The following KCNH7 variants were observed in gnomAD, a reference collection of about 807,000 sequenced individuals.
KCNH7 encodes the protein voltage-gated inwardly rectifying potassium channel KCNH7.
Under a neutral mutation model 120.8 loss-of-function variants are expected in KCNH7, and 49 were observed. The ratio of observed to expected loss-of-function variants is 0.41; its 90% CI spans 0.32 to 0.51. The LOEUF is 0.51. Ranked by LOEUF, KCNH7 falls within the 20% of genes least tolerant of loss-of-function variation. KCNH7 has a pLI of 0.38. For missense variants in KCNH7, 1,097 were observed against 1,446.6 expected, an observed-to-expected ratio of 0.76 and a Z score of 3.92; for synonymous variants, 547 against 516.1, an observed-to-expected ratio of 1.06 and a Z score of -0.81.
chr2:162,776,827 T>C (rs1683258522), intron 2 of KCNH7, among the ~76,000 whole-genome samples: 1 of 152,190 alleles, frequency 6.6e-6, no homozygotes, highest in Non-Finnish European at 1.5e-5. Flanking sequence ...CCATGGAGCT[T>C]TAACTGGAGT....
rs894023630 is a variant in KCNH7, at chr2:162,722,813, C to CTTTTTTTTTTTTTTTTTTTTTTTTT, written c.307+113723_307+113724insAAAAAAAAAAAAAAAAAAAAAAAAA. On this transcript the variant is annotated intron_variant, in intron 2 of 15. Coordinates refer to ENST00000332142, the MANE Select transcript of KCNH7 (RefSeq NM_033272.4). The stretch of plus-strand genomic sequence containing the variant: ...AATCCTTTTCATTCATTCTTTTTTT[C>CTTTTTTTTTTTTTTTTTTTTTTTTT]TTTTTTTTTTTTTTTTTTGCTTCTC... 1.2e-3 allele frequency among the ~76,000 whole-genome samples: 101 copies of CTTTTTTTTTTTTTTTTTTTTTTTTT among 85,104 alleles called. 3 individuals are homozygous for CTTTTTTTTTTTTTTTTTTTTTTTTT. The highest frequency in any genetic ancestry group is 3.5e-3 in the East Asian group (8 of 2,268). 55.8% of individuals were successfully genotyped at this position (85,104 alleles called of 152,430 possible). A position where few individuals can be genotyped will look rare whatever the true frequency, so the allele number is the denominator to read the frequency against.
intron 2 of KCNH7, among the ~76,000 whole-genome samples, chr2:162,752,921 AAG>A (rs1688621331): frequency 2.9e-5 from 2 of 67,830 alleles, no homozygotes; most frequent in South Asian, 4.8e-4. Context: ...AAGAAAAGAA[AAG>A]AAAAGAAAAG....
At chr2:162,391,446 G>A (rs1211675203) in intron 12 of KCNH7, among the ~76,000 whole-genome samples, 2 of 152,042 alleles carry the variant, frequency 1.3e-5, no homozygotes, top group African/African-American at 4.8e-5. Flanking sequence ...CTTTGGAATA[G>A]GCTCTTGGGC....
At chr2:162,737,880 C>T (rs530176381) in intron 2 of KCNH7, among the ~76,000 whole-genome samples, 1 of 151,998 alleles carries the variant, frequency 6.6e-6, no homozygotes, top group Admixed American at 6.5e-5. Context: ...ACCTGGCTAA[C>T]ATGGTGAAAT....
chr2:162,517,853 G>C lies in KCNH7; in HGVS notation c.769C>G (p.Gln257Glu). The change falls in exon 4 of 16, where the codon CAG becomes GAG. Residue 257 changes from glutamine to glutamate, a missense_variant. This residue lies in a region of KCNH7 where 362 missense variants were observed against 372.2 expected (regional missense o/e 0.97). Coordinates refer to ENST00000332142, the MANE Select transcript of KCNH7 (RefSeq NM_033272.4). ...TCCCTTGATCTGGAATGGGACAGCT[G>C]GGAACTTGACTGCAGCATGTCAGGG... ...LYPDMLQSSS[Q>E]LSHSRSRESL... 3 of 1,612,328 alleles carry C rather than the reference G, an allele frequency of 1.9e-6. No homozygotes were observed. Among genetic ancestry groups the C allele is most frequent in the Non-Finnish European group, 2.5e-6 (3 of 1,178,896 alleles).
intron 2 of KCNH7, among the ~76,000 whole-genome samples, chr2:162,689,048 C>T (rs77801565): frequency 0.13 from 19,108 of 151,946 alleles, 1,402 homozygotes; most frequent in East Asian, 0.34. Flanking sequence ...CACTTTCTGG[C>T]ACATCATACA....
At chr2:162,413,083 C>A (rs554204391) in intron 9 of KCNH7, among the ~76,000 whole-genome samples, 4 of 152,050 alleles carry the variant, frequency 2.6e-5, no homozygotes, top group Non-Finnish European at 5.9e-5. Context: ...TGTCCACCTA[C>A]CTTACCAGAT....
chr2:162,510,714 T>TGTTTCTACAATAAAAAAAAA (rs1691042481), intron 5 of KCNH7, among the ~76,000 whole-genome samples: 1 of 151,724 alleles, frequency 6.6e-6, no homozygotes, highest in Admixed American at 6.6e-5. Context: ...AACCTGCATT[T>TGTTTCTACAATAAAAAAAAA]TTTAGTTTTT....
At chr2:162,835,440 C>A (rs1232427738) in intron 2 of KCNH7, among the ~76,000 whole-genome samples, 3 of 151,772 alleles carry the variant, frequency 2.0e-5, no homozygotes, top group East Asian at 1.9e-4. Context: ...ACATATTTAT[C>A]AAAAGCTTAA....
intron 2 of KCNH7, among the ~76,000 whole-genome samples, chr2:162,769,568 G>A (rs1230056442): frequency 6.6e-6 from 1 of 151,956 alleles, no homozygotes; most frequent in Non-Finnish European, 1.5e-5. Flanking sequence ...CAAGGAAAAG[G>A]TAGAGAAAAA....
intron 2 of KCNH7, among the ~76,000 whole-genome samples, chr2:162,611,926 G>A (rs1682980457): frequency 6.6e-6 from 1 of 152,132 alleles, no homozygotes; most frequent in African/African-American, 2.4e-5. Context: ...TTTATGGATT[G>A]GACTTAGGAA....
At chr2:162,657,318 C>T (rs1684799055) in intron 2 of KCNH7, among the ~76,000 whole-genome samples, 1 of 152,158 alleles carries the variant, frequency 6.6e-6, no homozygotes, top group Non-Finnish European at 1.5e-5. Context: ...TATTCATCTT[C>T]CCCCTTTCCC....
chr2:162,824,312 C>T (rs1049214729), intron 2 of KCNH7, among the ~76,000 whole-genome samples: 1 of 152,104 alleles, frequency 6.6e-6, no homozygotes, highest in African/African-American at 2.4e-5. Context: ...GAAACATGAC[C>T]TGCAAAGAAA....
chr2:162,806,216 T>C (rs1208583963), intron 2 of KCNH7, among the ~76,000 whole-genome samples: 2 of 152,148 alleles, frequency 1.3e-5, no homozygotes, highest in African/African-American at 4.8e-5. Flanking sequence ...AAACCACTTG[T>C]ACCTCAAAAG....
intron 3 of KCNH7, among the ~76,000 whole-genome samples, chr2:162,535,886 A>G (rs565574548): frequency 1.1e-4 from 16 of 151,986 alleles, no homozygotes; most frequent in African/African-American, 3.9e-4. Flanking sequence ...TTAGTGTGTA[A>G]TAAAGGTGGC....
intron 2 of KCNH7, among the ~76,000 whole-genome samples, chr2:162,826,970 T>C (rs1381341654): frequency 1.3e-5 from 2 of 151,340 alleles, no homozygotes; most frequent in Admixed American, 6.6e-5. Context: ...TGGAGGAGAG[T>C]TGATGAAGGG....
chr2:162,760,383 G>T (rs1688928510), intron 2 of KCNH7, among the ~76,000 whole-genome samples: 1 of 151,706 alleles, frequency 6.6e-6, no homozygotes, highest in South Asian at 2.1e-4. Context: ...ACTCCTCCTT[G>T]CATTTGAAAA....
At chr2:162,740,706 AAC>A (rs1478212287) in intron 2 of KCNH7, among the ~76,000 whole-genome samples, 1 of 152,166 alleles carries the variant, frequency 6.6e-6, no homozygotes, top group African/African-American at 2.4e-5. Context: ...CCAGATCTTC[AAC>A]AGTTACCTTC....
chr2:162,693,651 G>T (rs550490563), intron 2 of KCNH7, among the ~76,000 whole-genome samples: 1 of 152,196 alleles, frequency 6.6e-6, no homozygotes, highest in South Asian at 2.1e-4. Flanking sequence ...GTCTCAGGAG[G>T]TTCTGGCAAT....
Sources: allele counts gnomAD v4.1 joint callset (sites outside exome capture counted in the v4.1 genomes callset), GRCh38; gene constraint gnomAD v4.1.1; regional missense constraint gnomAD v4.1.1; transcripts MANE v1.5; gene names NCBI Gene and HGNC (gene_info 2026-07-23, HGNC 2026-07-21).